The following CLECL1 variants were observed in gnomAD, a reference collection of about 807,000 sequenced individuals.
The protein encoded by CLECL1 is C-type lectin-like domain family 1.
downstream of CLECL1, among the ~76,000 whole-genome samples, chr12:9,714,048 A>C (rs1866216782): frequency 6.6e-6 from 1 of 152,210 alleles, no homozygotes; most frequent in Admixed American, 6.5e-5. Context: ...GAGCCAATCT[A>C]TTTGATAGAT....
downstream of CLECL1, among the ~76,000 whole-genome samples, chr12:9,715,045 A>C (rs992681231): frequency 1.3e-5 from 2 of 152,104 alleles, no homozygotes; most frequent in Non-Finnish European, 2.9e-5. Context: ...ATTTGTGATT[A>C]TCAATTCTAA....
At chr12:9,719,868 TGTC>T (rs1276581253), downstream of CLECL1, among the ~76,000 whole-genome samples, 3 of 152,244 alleles carry the variant, frequency 2.0e-5, no homozygotes, top group Non-Finnish European at 4.4e-5. Context: ...GCCAGAAAAA[TGTC>T]TTCTTCATCC....
downstream of CLECL1, among the ~76,000 whole-genome samples, chr12:9,711,999 A>G (rs1009751542): frequency 1.1e-4 from 16 of 152,268 alleles, no homozygotes; most frequent in African/African-American, 3.4e-4. Context: ...GTTGATTTTC[A>G]TTTCATATTA....
intron 2 of CLECL1, among the ~76,000 whole-genome samples, chr12:9,729,291 ATCTGTG>A (rs1866417177): frequency 6.6e-6 from 1 of 152,132 alleles, no homozygotes; most frequent in South Asian, 2.1e-4. Flanking sequence ...TTTCAGAGAC[ATCTGTG>A]TATATCCCAA....
chr12:9,731,974 G>A (rs1339950754), intron 1 of CLECL1, among the ~76,000 whole-genome samples: 1 of 152,124 alleles, frequency 6.6e-6, no homozygotes, highest in African/African-American at 2.4e-5. Flanking sequence ...TTCAAATTAT[G>A]TTTCACTATT....
downstream of CLECL1, among the ~76,000 whole-genome samples, chr12:9,713,293 C>T (rs144661917): frequency 5.7e-4 from 87 of 152,346 alleles, no homozygotes; most frequent in East Asian, 0.016. Flanking sequence ...CTCAGTAAAA[C>T]GTGAAGGTTT....
At chr12:9,726,869 G>A (rs535663137) in intron 3 of CLECL1, among the ~76,000 whole-genome samples, 15 of 151,948 alleles carry the variant, frequency 9.9e-5, no homozygotes, top group Middle Eastern at 3.4e-3. Context: ...TACATTGTAC[G>A]AGATAGTCTT....
At chr12:9,727,574 T>A (rs1866394980) in exon 3 of CLECL1, among the ~76,000 whole-genome samples, 1 of 151,822 alleles carries the variant, frequency 6.6e-6, no homozygotes, top group Non-Finnish European at 1.5e-5. Flanking sequence ...CCTACTGAGG[T>A]GATTGTTCCA....
At chr12:9,729,585 A>G (rs1565483367) in intron 2 of CLECL1, among the ~76,000 whole-genome samples, 1 of 151,890 alleles carries the variant, frequency 6.6e-6, no homozygotes, top group Non-Finnish European at 1.5e-5. Context: ...ATTACTAATT[A>G]CTTACCCAAA....
chr12:9,733,111 A>ATAAGC, upstream of CLECL1: 1 of 1,613,172 alleles, frequency 6.2e-7, no homozygotes, highest in Non-Finnish European at 8.5e-7. Context: ...GAAACTTCTG[A>ATAAGC]TAAGTAAATT....
At chr12:9,712,881 A>G (rs939636588), downstream of CLECL1, among the ~76,000 whole-genome samples, 4 of 152,214 alleles carry the variant, frequency 2.6e-5, no homozygotes, top group Non-Finnish European at 4.4e-5. Flanking sequence ...CCTGCCATCT[A>G]TTGAAATGTT....
the CLECL1 span, among the ~76,000 whole-genome samples, chr12:9,706,872 G>GAA: frequency 6.6e-6 from 1 of 152,174 alleles, no homozygotes; most frequent in African/African-American, 2.4e-5. Context: ...CTCATAGAAT[G>GAA]AGTTAGGGAG....
At chr12:9,706,214 G>C in the CLECL1 span, among the ~76,000 whole-genome samples, 1 of 152,228 alleles carries the variant, frequency 6.6e-6, no homozygotes, top group Non-Finnish European at 1.5e-5. Flanking sequence ...TTTGTAACCT[G>C]AGACTTTGCT....
intron 2 of CLECL1, among the ~76,000 whole-genome samples, chr12:9,729,474 C>A (rs1866419336): frequency 6.6e-6 from 1 of 152,074 alleles, no homozygotes. Flanking sequence ...AAATTTTACA[C>A]TTTTTGTGAA....
At chr12:9,728,420 C>G (rs10743821) in intron 2 of CLECL1, among the ~76,000 whole-genome samples, 136,609 of 151,678 alleles carry the variant, frequency 0.9, 61,566 homozygotes, top group East Asian at 0.97. Flanking sequence ...TACTTTTAAT[C>G]CTTCAACATA....
exon 4 of CLECL1, chr12:9,722,769 CT>C: frequency 6.2e-7 from 1 of 1,613,724 alleles, no homozygotes; most frequent in Non-Finnish European, 8.5e-7. Flanking sequence ...ACCTTCCAGT[CT>C]TTGGCAGGAC....
chr12:9,712,437 C>G (rs1250721603), downstream of CLECL1, among the ~76,000 whole-genome samples: 1 of 152,212 alleles, frequency 6.6e-6, no homozygotes, highest in African/African-American at 2.4e-5. Flanking sequence ...CTTTTTAGTG[C>G]CTGTTGCACC....
chr12:9,706,161 T>G, the CLECL1 span, among the ~76,000 whole-genome samples: 1 of 152,194 alleles, frequency 6.6e-6, no homozygotes, highest in African/African-American at 2.4e-5. Context: ...TCTGCTTGCC[T>G]GTTGCTGGTG....
chr12:9,705,286 C>T, the CLECL1 span, among the ~76,000 whole-genome samples: 1 of 151,252 alleles, frequency 6.6e-6, no homozygotes, highest in Non-Finnish European at 1.5e-5. Context: ...GTTTAAGTTC[C>T]TTATAAGTGC....
Sources: allele counts gnomAD v4.1 joint callset (sites outside exome capture counted in the v4.1 genomes callset), GRCh38; gene constraint gnomAD v4.1.1; transcripts MANE v1.5; gene names NCBI Gene and HGNC (gene_info 2026-07-23, HGNC 2026-07-21).